Variants in UGT1A10 observed in about 807,000 individuals in gnomAD.
UGT1A10 encodes UDP-glucuronosyltransferase 1A10.
A neutral mutation model predicts 45.8 loss-of-function variants in UGT1A10; 49 were observed. That is an observed-to-expected ratio of 1.07 (90% CI 0.85 to 1.36). The LOEUF (loss-of-function observed/expected upper bound fraction) is 1.36. UGT1A10 is among the 40% of genes most tolerant of loss of function. The probability of loss-of-function intolerance (pLI) is 0.00; values close to 1 mark genes in which losing one functional copy is unlikely to be tolerated. For synonymous variants in UGT1A10, 284 were observed against 249.7 expected, an observed-to-expected ratio of 1.14 and a Z score of -1.29; for missense variants, 745 against 668.6, an observed-to-expected ratio of 1.11 and a Z score of -1.26.
rs777189828 is a variant in UGT1A10 at position 233,672,004 on chromosome 2, G to A, written c.855+34627G>A. 1.3e-5 allele frequency: 21 copies of A among 1,613,992 alleles called. No individual in the cohort carries two copies. The highest frequency in any genetic ancestry group is 1.6e-4 in the Middle Eastern group (1 of 6,080). ...TCTGCTGCTGACCTGTGGCTTTGCC[G>A]AGGCAGGGAAGCTACTGGTAGTGCC... On this transcript the variant is annotated intron_variant, in intron 1 of 4. Transcript: ENST00000344644.
intron 1 of UGT1A10, among the ~76,000 whole-genome samples, chr2:233,670,205 A>G (rs1416987432): frequency 6.6e-6 from 1 of 152,252 alleles, no homozygotes; most frequent in East Asian, 1.9e-4. Context: ...GTGGATCATG[A>G]TAAAGGTCTT....
At chr2:233,678,616 T>G (rs916626569) in intron 1 of UGT1A10, among the ~76,000 whole-genome samples, 1 of 152,252 alleles carries the variant, frequency 6.6e-6, no homozygotes, top group African/African-American at 2.4e-5. Context: ...GGTTCATGTC[T>G]TAATAGAAGT....
intron 1 of UGT1A10, among the ~76,000 whole-genome samples, chr2:233,683,740 T>C (rs776869819): frequency 5.3e-5 from 8 of 152,254 alleles, no homozygotes; most frequent in Non-Finnish European, 1.0e-4. Flanking sequence ...CCCATTTCTC[T>C]TTTGAATTCA....
intron 1 of UGT1A10, among the ~76,000 whole-genome samples, chr2:233,659,311 A>G (rs1266841493): frequency 6.6e-6 from 1 of 152,212 alleles, no homozygotes; most frequent in Non-Finnish European, 1.5e-5. Context: ...TAACTTAACT[A>G]TTAATAGCCT....
intron 1 of UGT1A10, among the ~76,000 whole-genome samples, chr2:233,657,855 A>C (rs1191190962): frequency 6.6e-6 from 1 of 152,054 alleles, no homozygotes; most frequent in Non-Finnish European, 1.5e-5. Context: ...TTTTCTCTTC[A>C]TTATTGAGGT....
At chr2:233,727,955 A>G (rs2077669269) in intron 1 of UGT1A10, among the ~76,000 whole-genome samples, 2 of 152,220 alleles carry the variant, frequency 1.3e-5, no homozygotes, top group Admixed American at 6.5e-5. Flanking sequence ...GCCTGCCCAC[A>G]TCATCCTGAG....
chr2:233,729,782 C>A (rs764191993), intron 1 of UGT1A10: 1 of 1,613,938 alleles, frequency 6.2e-7, no homozygotes, highest in South Asian at 1.1e-5. Flanking sequence ...TACCCTCTGG[C>A]CCTGTCCTAC....
intron 1 of UGT1A10, among the ~76,000 whole-genome samples, chr2:233,725,204 A>C (rs1419475317): frequency 1.4e-4 from 12 of 85,222 alleles, no homozygotes; most frequent in African/African-American, 6.2e-4. Flanking sequence ...AGGCAGAGGC[A>C]GAGGCAGAGG....
intron 1 of UGT1A10, among the ~76,000 whole-genome samples, chr2:233,715,257 C>T (rs193085198): frequency 2.7e-4 from 41 of 152,160 alleles, no homozygotes; most frequent in African/African-American, 9.4e-4. Context: ...TTAAAAAATC[C>T]CCTTACATAA....
intron 1 of UGT1A10, among the ~76,000 whole-genome samples, chr2:233,706,039 G>A (rs2075885693): frequency 6.6e-6 from 1 of 152,158 alleles, no homozygotes; most frequent in South Asian, 2.1e-4. Flanking sequence ...AGGTTGCAGT[G>A]AGCCGAGATC....
Position 233,672,522 on chromosome 2 carries a change from G to T in UGT1A10, c.855+35145G>T, listed in dbSNP as rs151216459. The stretch of plus-strand genomic sequence containing the variant: ...CCTATGTCCCCAGAATTCTCTTAGG[G>T]TTCTCAGATGCCATGACTTTCAAGG... On this transcript the variant is annotated intron_variant, in intron 1 of 4. Coordinates refer to ENST00000344644, the MANE Select transcript of UGT1A10 (RefSeq NM_019075.4). 1,670 of 1,613,876 alleles carry T rather than the reference G, an allele frequency of 1.0e-3. 24 individuals are homozygous for T. In the East Asian group the frequency reaches 0.023, roughly 22 times the overall value.
intron 1 of UGT1A10, among the ~76,000 whole-genome samples, chr2:233,660,575 G>A (rs375040134): frequency 9.2e-5 from 14 of 152,156 alleles, no homozygotes; most frequent in East Asian, 1.9e-4. Context: ...GGGAGCTGGC[G>A]TTTATTTTTT....
chr2:233,758,177 A>G (rs1696814164), intron 1 of UGT1A10, among the ~76,000 whole-genome samples: 1 of 152,208 alleles, frequency 6.6e-6, no homozygotes, highest in African/African-American at 2.4e-5. Flanking sequence ...TTCAGAGCAG[A>G]TATTAATTGG....
chr2:233,691,024 G>A (rs2075025433), intron 1 of UGT1A10: 1 of 991,326 alleles, frequency 1.0e-6, no homozygotes, highest in African/African-American at 1.7e-5. Flanking sequence ...TGGTTGGAAG[G>A]GCTCAGACCA....
At chr2:233,696,193 T>C (rs1686074902) in intron 1 of UGT1A10, among the ~76,000 whole-genome samples, 1 of 152,196 alleles carries the variant, frequency 6.6e-6, no homozygotes, top group Admixed American at 6.5e-5. Context: ...CTATCTGCAC[T>C]CCCATGTTTA....
intron 1 of UGT1A10, among the ~76,000 whole-genome samples, chr2:233,757,869 G>C (rs1204071676): frequency 2.6e-5 from 4 of 151,938 alleles, no homozygotes; most frequent in African/African-American, 7.3e-5. Context: ...AAAGAAAGTA[G>C]CTTCAAAAGG....
intron 1 of UGT1A10, chr2:233,681,961 C>T: frequency 1.9e-6 from 3 of 1,613,960 alleles, no homozygotes; most frequent in Non-Finnish European, 2.5e-6. Context: ...GGTGGACTGG[C>T]CTCCTTCCCC....
chr2:233,723,473 G>A (rs1476221455), intron 1 of UGT1A10, among the ~76,000 whole-genome samples: 1 of 135,908 alleles, frequency 7.4e-6, no homozygotes, highest in Admixed American at 7.3e-5. Flanking sequence ...GCCTCCCAAA[G>A]TGCTAGGATT....
At chr2:233,698,908 G>A (rs1199885168) in intron 1 of UGT1A10, among the ~76,000 whole-genome samples, 2 of 152,230 alleles carry the variant, frequency 1.3e-5, no homozygotes, top group Non-Finnish European at 2.9e-5. Context: ...TCTGCCCAAG[G>A]AGGGACGTGG....
Sources: allele counts gnomAD v4.1 joint callset (sites outside exome capture counted in the v4.1 genomes callset), GRCh38; gene constraint gnomAD v4.1.1; transcripts MANE v1.5; gene names NCBI Gene and HGNC (gene_info 2026-07-23, HGNC 2026-07-21).